Variants in ATRNL1 observed in about 807,000 individuals in gnomAD.
ATRNL1 encodes the protein attractin like 1, also known as attractin-like protein 1.
ATRNL1 carries 95 observed loss-of-function variants against 182.7 expected under a neutral mutation model. The observed-to-expected ratio is 0.52, with a 90% CI of 0.44 to 0.62. The LOEUF (loss-of-function observed/expected upper bound fraction) is 0.62, where lower values mean the gene tolerates loss of function less well. ATRNL1 is among the 20% of genes least tolerant of loss of function. ATRNL1 has a pLI of 0.00. For synonymous variants in ATRNL1, 576 were observed against 568.3 expected (o/e 1.01, Z -0.19); for missense variants, 1,471 against 1,679.5 (o/e 0.88, Z 2.17).
Position 115,409,195 on chromosome 10 carries a change from C to A in ATRNL1, c.3269+14443C>A, listed in dbSNP as rs112486224. Among the ~76,000 whole-genome samples, 6 of 152,106 alleles carry A rather than the reference C, an allele frequency of 3.9e-5. No homozygotes were observed. The East Asian group carries it at 1.2e-3, about 29-fold the overall frequency. Reference sequence around the variant, plus strand: ...CATTTTAACAATATTAATTGTGATTCGTGGGCATGAGATGTCTTTTTATTT... The same window carrying A: ...CATTTTAACAATATTAATTGTGATTAGTGGGCATGAGATGTCTTTTTATTT... On this transcript the variant is annotated intron_variant, in intron 20 of 28. Coordinates refer to ENST00000355044, the MANE Select transcript of ATRNL1 (RefSeq NM_207303.4).
chr10:115,658,944 A>G (rs1860506785), intron 26 of ATRNL1, among the ~76,000 whole-genome samples: 2 of 152,194 alleles, frequency 1.3e-5, no homozygotes, highest in Admixed American at 6.5e-5. Flanking sequence ...GGCAGCAAGG[A>G]GAAGAATGAG....
intron 26 of ATRNL1, among the ~76,000 whole-genome samples, chr10:115,701,438 A>C (rs1273628831): frequency 6.6e-6 from 1 of 152,048 alleles, no homozygotes; most frequent in Non-Finnish European, 1.5e-5. Flanking sequence ...AGAAGAAAAG[A>C]AATAACTGAA....
chr10:115,201,705 G>GTGA (rs1554892456), intron 8 of ATRNL1, among the ~76,000 whole-genome samples: 1 of 152,070 alleles, frequency 6.6e-6, no homozygotes, highest in East Asian at 1.9e-4. Flanking sequence ...GATTGACTTG[G>GTGA]TGATGCGGGC....
At chr10:115,827,299 C>T (rs1466531126) in intron 27 of ATRNL1, among the ~76,000 whole-genome samples, 5 of 152,344 alleles carry the variant, frequency 3.3e-5, no homozygotes, top group African/African-American at 7.2e-5. Flanking sequence ...AGTCAGGCCA[C>T]ACCCCCTGCA....
At chr10:115,796,123 C>T (rs1377762915) in intron 27 of ATRNL1, among the ~76,000 whole-genome samples, 1 of 151,872 alleles carries the variant, frequency 6.6e-6, no homozygotes, top group Non-Finnish European at 1.5e-5. Context: ...CCACAACATG[C>T]TGCACTCTGC....
intron 27 of ATRNL1, among the ~76,000 whole-genome samples, chr10:115,809,947 T>A (rs1205525802): frequency 6.6e-6 from 1 of 151,964 alleles, no homozygotes; most frequent in East Asian, 1.9e-4. Context: ...ATGGTCTTTA[T>A]CAGAGTTTAG....
intron 17 of ATRNL1, among the ~76,000 whole-genome samples, chr10:115,311,588 C>T (rs1854030596): frequency 6.6e-6 from 1 of 152,120 alleles, no homozygotes; most frequent in African/African-American, 2.4e-5. Context: ...GCATATTCTG[C>T]AGTTCTTGGG....
At chr10:115,551,186 A>T (rs1340102327) in intron 26 of ATRNL1, among the ~76,000 whole-genome samples, 1 of 151,616 alleles carries the variant, frequency 6.6e-6, no homozygotes, top group African/African-American at 2.4e-5. Context: ...TATTTGTTAA[A>T]ACTAATATGA....
intron 26 of ATRNL1, among the ~76,000 whole-genome samples, chr10:115,558,841 T>TCCC (rs1554998121): frequency 6.6e-6 from 1 of 152,148 alleles, no homozygotes; most frequent in East Asian, 1.9e-4. Flanking sequence ...ATCTATAGCA[T>TCCC]TTGAGCCTCA....
intron 19 of ATRNL1, among the ~76,000 whole-genome samples, chr10:115,370,948 CCA>C (rs1857362776): frequency 6.6e-6 from 1 of 152,126 alleles, no homozygotes; most frequent in Non-Finnish European, 1.5e-5. Flanking sequence ...TCTGCTGTGT[CCA>C]GTCTAGGGAC....
intron 28 of ATRNL1, among the ~76,000 whole-genome samples, chr10:115,905,403 T>TA (rs1952473418): frequency 1.3e-5 from 2 of 150,946 alleles, no homozygotes; most frequent in Admixed American, 6.6e-5. Context: ...TTTTTTTTTT[T>TA]AAGTTTTGTA....
chr10:115,664,847 C>T (rs1033991768), intron 26 of ATRNL1, among the ~76,000 whole-genome samples: 9 of 152,126 alleles, frequency 5.9e-5, no homozygotes, highest in Admixed American at 1.3e-4. Context: ...TTTTATCCAG[C>T]GGTGAAAATC....
rs5788103 is a variant in ATRNL1, at chr10:115,303,221, G to GTT, written c.2818+1198_2818+1199dup. ...CACCTGAGATAAAGTTGGTATGCAG[G>GTT]TTTTTTTTTTTTTTTTTTTTTGAGA... is the stretch of plus-strand genomic sequence containing the variant. On this transcript the variant is annotated intron_variant, in intron 17 of 28. Transcript: ENST00000355044. Among the ~76,000 whole-genome samples, 995 of 106,904 alleles carry GTT rather than the reference G, an allele frequency of 9.3e-3. 36 individuals carry two copies. The highest frequency in any genetic ancestry group is 0.013 in the Non-Finnish European group (739 of 58,744). The allele number at this position is 106,904 out of a possible 152,430, so 70.1% of individuals were successfully genotyped here.
chr10:115,347,658 A>G (rs554694982), intron 19 of ATRNL1, among the ~76,000 whole-genome samples: 35 of 152,180 alleles, frequency 2.3e-4, no homozygotes, highest in Admixed American at 2.1e-3. Flanking sequence ...TAAAAATCCA[A>G]CCTAATAAAG....
intron 21 of ATRNL1, among the ~76,000 whole-genome samples, chr10:115,442,043 C>T (rs1846708539): frequency 6.6e-6 from 1 of 151,960 alleles, no homozygotes; most frequent in Admixed American, 6.6e-5. Context: ...TTCCCATTTT[C>T]AGTTTTAATT....
chr10:115,621,799 A>G (rs782150903), intron 26 of ATRNL1, among the ~76,000 whole-genome samples: 38 of 152,232 alleles, frequency 2.5e-4, no homozygotes, highest in Admixed American at 8.5e-4. Flanking sequence ...TTTAAAGTGT[A>G]TACTTACCAG....
At chr10:115,103,040 GT>G (rs33951113) in intron 1 of ATRNL1, among the ~76,000 whole-genome samples, 38,524 of 129,914 alleles carry the variant, frequency 0.3, 5,146 homozygotes, top group Middle Eastern at 0.41. Context: ...TATTTTTAGT[GT>G]TTTTTTTTTT....
intron 8 of ATRNL1, among the ~76,000 whole-genome samples, chr10:115,192,685 G>C (rs1220063810): frequency 6.7e-6 from 1 of 149,968 alleles, no homozygotes; most frequent in African/African-American, 2.5e-5. Flanking sequence ...TGGGTAGTTT[G>C]GACATTTTAA....
chr10:115,644,353 G>A (rs1419710522), intron 26 of ATRNL1, among the ~76,000 whole-genome samples: 2 of 152,022 alleles, frequency 1.3e-5, no homozygotes, highest in East Asian at 1.9e-4. Flanking sequence ...CCTTAACTAC[G>A]CACAGTGTGT....
Sources: allele counts gnomAD v4.1 joint callset (sites outside exome capture counted in the v4.1 genomes callset), GRCh38; gene constraint gnomAD v4.1.1; transcripts MANE v1.5; gene names NCBI Gene and HGNC (gene_info 2026-07-23, HGNC 2026-07-21).